Variants in SMCO2 observed in about 807,000 individuals in gnomAD.
SMCO2 encodes the protein single-pass membrane and coiled-coil domain-containing protein 2.
A neutral mutation model predicts 29.5 loss-of-function variants in SMCO2; 25 were observed. That is an observed-to-expected ratio of 0.85 (90% CI 0.62 to 1.18). SMCO2 has a LOEUF of 1.18. Ranked by LOEUF, SMCO2 falls within the 50% of genes most tolerant of loss-of-function variation. SMCO2 has a pLI of 0.00. For missense variants in SMCO2, 348 were observed against 344.5 expected (o/e 1.01, Z -0.08); for synonymous variants, 117 against 123.3 (o/e 0.95, Z 0.34).
chr12:27,487,996 T>C (rs1391480151), intron 4 of SMCO2, among the ~76,000 whole-genome samples: 1 of 152,160 alleles, frequency 6.6e-6, no homozygotes, highest in Non-Finnish European at 1.5e-5. Flanking sequence ...GCCTTTGCCA[T>C]ATATGTGCTA....
rs766301158 is a variant in SMCO2, at chr12:27,498,679, A to G, written c.683+2824A>G. Reference sequence around the variant, plus strand: ...TTTTTTAAATAACCATTATATTAACACAAGAACGTTTGTCAACTGTGAAAA... The same window carrying G: ...TTTTTTAAATAACCATTATATTAACGCAAGAACGTTTGTCAACTGTGAAAA... On this transcript the variant is annotated intron_variant, in intron 7 of 7. Coordinates refer to ENST00000298876, the Ensembl canonical transcript of SMCO2. 75 of 151,442 alleles carry G rather than the reference A, an allele frequency of 5.0e-4. 5 individuals are homozygous for G. The highest frequency in any genetic ancestry group is 1.8e-3 in the Admixed American group (27 of 15,206). 9.4% of individuals were successfully genotyped at this position (151,442 alleles called of 1,614,324 possible). A position where few individuals can be genotyped will look rare whatever the true frequency, so the allele number is the denominator to read the frequency against.
the SMCO2 span, among the ~76,000 whole-genome samples, chr12:27,428,555 C>A: frequency 1.3e-5 from 2 of 149,176 alleles, no homozygotes; most frequent in East Asian, 4.1e-4. Context: ...TAATCTTGGC[C>A]ACCTTTTTTT....
chr12:27,496,211 A>G (rs1943000607), intron 7 of SMCO2, among the ~76,000 whole-genome samples: 1 of 150,256 alleles, frequency 6.7e-6, no homozygotes, highest in Non-Finnish European at 1.5e-5. Context: ...ATTTTTAGTT[A>G]GTCTGTTCCT....
chr12:27,501,415 C>CAAA (rs540673188), intron 7 of SMCO2, among the ~76,000 whole-genome samples: 78 of 85,804 alleles, frequency 9.1e-4, no homozygotes, highest in African/African-American at 1.6e-3. Flanking sequence ...GACTCCGTCT[C>CAAA]AAAAAAAAAA....
chr12:27,494,503 T>C, intron 6 of SMCO2, 147 bp downstream of exon 7: 1 of 206,146 alleles, frequency 4.9e-6, no homozygotes. Context: ...ATTATTATTA[T>C]TATTATTATT....
chr12:27,483,582 C>A (rs1330026523), intron 4 of SMCO2, among the ~76,000 whole-genome samples: 1 of 151,778 alleles, frequency 6.6e-6, no homozygotes, highest in African/African-American at 2.4e-5. Context: ...TGATGCCCAG[C>A]TAATTTTTGA....
the SMCO2 span, among the ~76,000 whole-genome samples, chr12:27,441,493 C>T: frequency 6.6e-6 from 1 of 152,054 alleles, no homozygotes; most frequent in Non-Finnish European, 1.5e-5. Flanking sequence ...TAAGGATGGT[C>T]ACTATATAAT....
the SMCO2 span, among the ~76,000 whole-genome samples, chr12:27,461,187 AATATT>A: frequency 9.8e-5 from 15 of 152,300 alleles, no homozygotes; most frequent in South Asian, 2.1e-4. Context: ...ATGCTATGTC[AATATT>A]ATATTGTATT....
chr12:27,436,696 C>T, the SMCO2 span, among the ~76,000 whole-genome samples: 5 of 152,212 alleles, frequency 3.3e-5, no homozygotes, highest in African/African-American at 1.2e-4. Flanking sequence ...TCCACTTGAC[C>T]CAGATGGATC....
At chr12:27,458,222 T>G in the SMCO2 span, among the ~76,000 whole-genome samples, 11 of 152,204 alleles carry the variant, frequency 7.2e-5, no homozygotes, top group East Asian at 1.9e-4. Context: ...TCACACATTC[T>G]TTGATTAATG....
the SMCO2 span, among the ~76,000 whole-genome samples, chr12:27,461,123 C>T: frequency 7.9e-5 from 12 of 152,250 alleles, no homozygotes; most frequent in African/African-American, 2.6e-4. Flanking sequence ...GCACATCCTC[C>T]TATGTATACT....
the SMCO2 span, among the ~76,000 whole-genome samples, chr12:27,448,354 T>C: frequency 6.6e-6 from 1 of 152,208 alleles, no homozygotes; most frequent in Non-Finnish European, 1.5e-5. Context: ...CCCTCCGCCT[T>C]AGTTCTCCCA....
chr12:27,453,868 T>G, the SMCO2 span, among the ~76,000 whole-genome samples: 1 of 152,304 alleles, frequency 6.6e-6, no homozygotes, highest in East Asian at 1.9e-4. Flanking sequence ...TTGCAAAGAA[T>G]GAAAAGAAAA....
chr12:27,456,277 A>G, the SMCO2 span, among the ~76,000 whole-genome samples: 2 of 152,286 alleles, frequency 1.3e-5, no homozygotes, highest in Non-Finnish European at 2.9e-5. Context: ...GTATATAGAT[A>G]TGCATCAACA....
chr12:27,483,445 T>C (rs1949662502), intron 4 of SMCO2, among the ~76,000 whole-genome samples: 1 of 152,090 alleles, frequency 6.6e-6, no homozygotes, highest in African/African-American at 2.4e-5. Context: ...TTCGAGACAG[T>C]CTTGCTCTGT....
At chr12:27,471,458 C>T (rs987639661) in intron 2 of SMCO2, among the ~76,000 whole-genome samples, 5 of 152,086 alleles carry the variant, frequency 3.3e-5, no homozygotes, top group African/African-American at 9.7e-5. Context: ...CACCTCCACC[C>T]TCTAGGTTCA....
At chr12:27,477,210 G>GTTTTT (rs770789669) in intron 4 of SMCO2, among the ~76,000 whole-genome samples, 24 of 62,630 alleles carry the variant, frequency 3.8e-4, no homozygotes, top group Non-Finnish European at 4.8e-4. Context: ...TGGCTGTCAG[G>GTTTTT]TTTTTTTTTT....
At chr12:27,491,159 A>G (rs150872483) in intron 5 of SMCO2, among the ~76,000 whole-genome samples, 2 of 152,322 alleles carry the variant, frequency 1.3e-5, no homozygotes, top group African/African-American at 4.8e-5. Context: ...TGGCTCACTT[A>G]TTCCTCATAA....
rs552288260 is a variant in SMCO2, at chr12:27,497,433, C to G, written c.683+1578C>G. ...GTGTTGGTCCCAGGATGTTCCATAC[C>G]ATTAACCATGGTAAAATCAGATGGA... is the stretch of plus-strand genomic sequence containing the variant. On this transcript the variant is annotated intron_variant, in intron 7 of 7. Transcript: ENST00000298876. The G allele has an allele frequency of 5.5e-5, 12 of 219,566 alleles. 1 individual carries two copies. The highest frequency in any genetic ancestry group is 8.7e-5 in the Non-Finnish European group (9 of 103,410). The allele number at this position is 219,566 out of a possible 1,614,324, so 13.6% of individuals were successfully genotyped here. A position where few individuals can be genotyped will look rare whatever the true frequency, so the allele number is the denominator to read the frequency against.
Sources: gnomAD v4.1 joint callset for allele counts (sites outside exome capture counted in the v4.1 genomes callset) on GRCh38, gnomAD v4.1.1 for gene constraint, MANE v1.5 for transcripts, NCBI Gene and HGNC (gene_info 2026-07-23, HGNC 2026-07-21) for gene names.